The following RFTN2 variants were observed in gnomAD, a reference collection of about 807,000 sequenced individuals.
RFTN2 encodes raftlin-2.
In RFTN2, 34 loss-of-function variants were observed where a neutral mutation model predicts 52.7. That is an observed-to-expected ratio of 0.64 (90% CI 0.49 to 0.86). The LOEUF is 0.86. RFTN2 is among the 40% of genes least tolerant of loss of function. The pLI is 0.00. For synonymous variants in RFTN2, 203 were observed against 217.7 expected (o/e 0.93, Z 0.59); for missense variants, 536 against 600.1 (o/e 0.89, Z 1.12).
At chr2:197,610,161 T>G (rs1221110750) in intron 7 of RFTN2, among the ~76,000 whole-genome samples, 1 of 152,184 alleles carries the variant, frequency 6.6e-6, no homozygotes, top group Non-Finnish European at 1.5e-5. Context: ...AGAAAGTCAT[T>G]GATAGCTTGA....
intron 8 of RFTN2, among the ~76,000 whole-genome samples, chr2:197,588,917 T>G (rs1432461932): frequency 6.6e-6 from 1 of 152,100 alleles, no homozygotes; most frequent in East Asian, 1.9e-4. Context: ...ATAAATCTCA[T>G]GAGATCTGAT....
intron 7 of RFTN2, among the ~76,000 whole-genome samples, chr2:197,609,339 A>ATGG (rs1177889150): frequency 6.6e-6 from 1 of 152,200 alleles, no homozygotes; most frequent in Non-Finnish European, 1.5e-5. Flanking sequence ...CTGGCATGAG[A>ATGG]TGGTATCTCA....
chr2:197,671,486 C>T (rs1016554502), intron 1 of RFTN2, among the ~76,000 whole-genome samples: 2 of 152,214 alleles, frequency 1.3e-5, no homozygotes, highest in Non-Finnish European at 2.9e-5. Flanking sequence ...CACTCATATT[C>T]CAAACATCGT....
At chr2:197,646,239 C>T (rs1242122422) in intron 2 of RFTN2, among the ~76,000 whole-genome samples, 2 of 152,104 alleles carry the variant, frequency 1.3e-5, no homozygotes, top group Admixed American at 1.3e-4. Flanking sequence ...TTTGCTTTCC[C>T]TTTGTTCACT....
intron 1 of RFTN2, among the ~76,000 whole-genome samples, chr2:197,661,128 G>A (rs1000562760): frequency 4.6e-5 from 7 of 152,078 alleles, no homozygotes; most frequent in African/African-American, 1.7e-4. Context: ...ATATATGAGT[G>A]AGAACATGCC....
chr2:197,653,942 T>C (rs1257354801), intron 1 of RFTN2, among the ~76,000 whole-genome samples: 2 of 152,216 alleles, frequency 1.3e-5, no homozygotes, highest in Non-Finnish European at 2.9e-5. Flanking sequence ...ATAAATTTAT[T>C]TCAAAAAGAA....
chr2:197,572,146 C>T lies in RFTN2; in HGVS notation c.1368G>A (p.Arg456=), dbSNP rs561350911. The change falls in exon 9 of 9, where the codon CGG becomes CGA. Residue 456 remains arginine (R), a synonymous_variant. Transcript: ENST00000295049. ...GCCTTCCCTCCTTTGTCCAGCATTC[C>T]CGGGAGGGAGAAAGGCGGCACTCCT... ...LPEECRLSPS[R]ECWTKEGRLA... 2 of 1,614,214 alleles carry T rather than the reference C, an allele frequency of 1.2e-6. No homozygotes were observed. Among genetic ancestry groups the T allele is most frequent in the Admixed American group, 1.7e-5 (1 of 60,020 alleles).
At chr2:197,588,385 T>C (rs1329849957) in intron 8 of RFTN2, among the ~76,000 whole-genome samples, 4 of 152,330 alleles carry the variant, frequency 2.6e-5, no homozygotes, top group East Asian at 3.9e-4. Context: ...AGACTTTATC[T>C]TATTTTACTT....
rs150131235 is a variant in RFTN2, at chr2:197,625,989, G to A, written c.928+5022C>T. Among the ~76,000 whole-genome samples the A allele has an allele frequency of 4.3e-3, 657 of 152,004 alleles. 9 individuals are homozygous for A. The highest frequency in any genetic ancestry group is 0.014 in the African/African-American group (587 of 41,458). On this transcript the variant is annotated intron_variant, in intron 5 of 8. Coordinates refer to ENST00000295049, the MANE Select transcript of RFTN2 (RefSeq NM_144629.3). ...TTTCTAATAGAGACAGCGTTTTGCCGTGTTGGCCAGGCTAGTCTTGAACTC... is the reference window on the plus strand; with the variant it reads ...TTTCTAATAGAGACAGCGTTTTGCCATGTTGGCCAGGCTAGTCTTGAACTC...
intron 3 of RFTN2, among the ~76,000 whole-genome samples, chr2:197,635,635 T>C: frequency 2.0e-5 from 3 of 149,682 alleles, no homozygotes; most frequent in African/African-American, 7.4e-5. Flanking sequence ...TTCTGGATAT[T>C]AGCCCTTTGT....
intron 7 of RFTN2, among the ~76,000 whole-genome samples, chr2:197,612,520 C>T (rs75505984): frequency 0.033 from 5,054 of 152,266 alleles, 107 homozygotes; most frequent in South Asian, 0.075. Context: ...TGGTCCTCCA[C>T]CAAATTTGCT....
At chr2:197,605,422 A>G (rs1453092113) in intron 7 of RFTN2, among the ~76,000 whole-genome samples, 1 of 151,896 alleles carries the variant, frequency 6.6e-6, no homozygotes, top group African/African-American at 2.4e-5. Flanking sequence ...TCACTGTGTT[A>G]GCCAGGATGA....
At chr2:197,577,343 C>T (rs1229733170) in intron 8 of RFTN2, among the ~76,000 whole-genome samples, 1 of 152,266 alleles carries the variant, frequency 6.6e-6, no homozygotes, top group Non-Finnish European at 1.5e-5. Context: ...CAATGGCCCA[C>T]CTTCGTGGCC....
chr2:197,576,009 C>A (rs1382669528), intron 8 of RFTN2, among the ~76,000 whole-genome samples: 1 of 150,372 alleles, frequency 6.7e-6, no homozygotes. Context: ...ATTATAGGAG[C>A]CTTTTTTTGT....
chr2:197,623,767 A>G (rs1005283535), intron 5 of RFTN2, among the ~76,000 whole-genome samples: 1 of 152,204 alleles, frequency 6.6e-6, no homozygotes, highest in African/African-American at 2.4e-5. Flanking sequence ...CCCGGGTTCA[A>G]GTAATTTTCC....
At chr2:197,619,470 T>A (rs2088220178) in intron 5 of RFTN2, among the ~76,000 whole-genome samples, 1 of 152,004 alleles carries the variant, frequency 6.6e-6, no homozygotes, top group Non-Finnish European at 1.5e-5. Flanking sequence ...CTGAAACATG[T>A]GCTGTATCCA....
chr2:197,628,241 C>A (rs2106228037), intron 5 of RFTN2, among the ~76,000 whole-genome samples: 1 of 152,282 alleles, frequency 6.6e-6, no homozygotes, highest in Non-Finnish European at 1.5e-5. Context: ...TTGCCAGACC[C>A]CATAGACTGA....
intron 4 of RFTN2, 36 bp downstream of exon 4, chr2:197,633,682 A>G (rs2088503637): frequency 1.3e-6 from 2 of 1,557,394 alleles, no homozygotes; most frequent in South Asian, 1.2e-5. Context: ...TGCTTAAACT[A>G]TAGTATATTC....
intron 7 of RFTN2, among the ~76,000 whole-genome samples, chr2:197,597,590 G>A (rs1372973831): frequency 1.3e-5 from 2 of 151,894 alleles, no homozygotes; most frequent in Non-Finnish European, 1.5e-5. Flanking sequence ...CGTGATCTCG[G>A]CTCACCGCAA....
Sources: allele counts gnomAD v4.1 joint callset (sites outside exome capture counted in the v4.1 genomes callset), GRCh38; gene constraint gnomAD v4.1.1; transcripts MANE v1.5; gene names NCBI Gene and HGNC (gene_info 2026-07-23, HGNC 2026-07-21).